Variants in MDGA2 observed in about 807,000 individuals in gnomAD.
MDGA2 encodes the protein MAM domain containing glycosylphosphatidylinositol anchor 2, also known as MAM domain-containing glycosylphosphatidylinositol anchor protein 2.
A neutral mutation model predicts 117.8 loss-of-function variants in MDGA2; 40 were observed. The ratio of observed to expected loss-of-function variants is 0.34; its 90% CI spans 0.26 to 0.44. The LOEUF (loss-of-function observed/expected upper bound fraction) is 0.44. MDGA2 is among the 20% of genes least tolerant of loss of function. MDGA2 has a pLI of 1.00. For synonymous variants in MDGA2, 452 were observed against 439.0 expected, an observed-to-expected ratio of 1.03 and a Z score of -0.37; for missense variants, 1,123 against 1,250.6, an observed-to-expected ratio of 0.90 and a Z score of 1.54.
chr14:47,322,506 C>A (rs1279516926), intron 1 of MDGA2, among the ~76,000 whole-genome samples: 2 of 152,108 alleles, frequency 1.3e-5, no homozygotes, highest in African/African-American at 4.8e-5. Context: ...CTCAAACAAT[C>A]TGACGAGGAG....
chr14:46,914,858 C>T (rs1029078861), intron 10 of MDGA2, among the ~76,000 whole-genome samples: 3 of 151,932 alleles, frequency 2.0e-5, no homozygotes, highest in African/African-American at 7.3e-5. Flanking sequence ...AAATCATGTA[C>T]ATGTATAGGC....
intron 15 of MDGA2, among the ~76,000 whole-genome samples, chr14:46,847,702 A>T (rs1880897286): frequency 6.6e-6 from 1 of 152,062 alleles, no homozygotes; most frequent in Admixed American, 6.6e-5. Context: ...ATTCCACATT[A>T]TGGATGTAAT....
At position 47,133,627 on chromosome 14, in the gene MDGA2, T is replaced by C. The variant is rs900404058; in HGVS notation, c.793-1781A>G. ...CCAGAATTCTCCCTTAAGTTTCAGA[T>C]ACACATAACAAATGTTTGTCAATAT... On this transcript the variant is annotated intron_variant, in intron 4 of 16. Coordinates refer to ENST00000399232, the MANE Select transcript of MDGA2 (RefSeq NM_001113498.3). Among the ~76,000 whole-genome samples the C allele has an allele frequency of 2.0e-5, 3 of 152,010 alleles. 1 individual carries two copies. The highest frequency in any genetic ancestry group is 4.1e-4 in the South Asian group (2 of 4,832).
rs1047484091 is a variant in MDGA2, at chr14:46,977,829, T to TA, written c.1820-20187dup. 3.7e-5 allele frequency among the ~76,000 whole-genome samples: 5 copies of TA among 134,862 alleles called. No individual in the cohort carries two copies. The Admixed American group carries it at 3.8e-4, about 10-fold the overall frequency. 88.5% of individuals were successfully genotyped at this position (134,862 alleles called of 152,430 possible). A position where few individuals can be genotyped will look rare whatever the true frequency, so the allele number is the denominator to read the frequency against. On this transcript the variant is annotated intron_variant, in intron 8 of 16. Transcript: ENST00000399232. ...GGGGAGATAATGTAGGGGGACTCGG[T>TA]AAAAAAAATATCCTTGAAAATCTTG... is the stretch of plus-strand genomic sequence containing the variant.
intron 1 of MDGA2, among the ~76,000 whole-genome samples, chr14:47,599,538 CCCATA>C (rs1175553525): frequency 6.6e-6 from 1 of 152,060 alleles, no homozygotes; most frequent in East Asian, 1.9e-4. Context: ...TGAATTTGAT[CCCATA>C]CCAAACAATA....
intron 2 of MDGA2, among the ~76,000 whole-genome samples, chr14:47,281,091 A>G (rs1888474104): frequency 6.7e-6 from 1 of 148,996 alleles, no homozygotes; most frequent in Non-Finnish European, 1.5e-5. Context: ...ATAAAATATA[A>G]TTAAATATGC....
At chr14:47,036,119 A>T (rs1888839105) in intron 7 of MDGA2, among the ~76,000 whole-genome samples, 1 of 151,620 alleles carries the variant, frequency 6.6e-6, no homozygotes, top group Non-Finnish European at 1.5e-5. Flanking sequence ...AATACAAAAA[A>T]ATTAGCCCAG....
intron 1 of MDGA2, among the ~76,000 whole-genome samples, chr14:47,598,221 G>A (rs1299213789): frequency 6.6e-6 from 1 of 152,112 alleles, no homozygotes; most frequent in Non-Finnish European, 1.5e-5. Flanking sequence ...ATGTATTGTT[G>A]ATGAAAACAT....
chr14:47,266,473 C>T (rs1887968906), intron 2 of MDGA2, among the ~76,000 whole-genome samples: 1 of 152,152 alleles, frequency 6.6e-6, no homozygotes, highest in Admixed American at 6.6e-5. Context: ...TCCATCTTGC[C>T]ACTATTCCCT....
intron 5 of MDGA2, among the ~76,000 whole-genome samples, chr14:47,128,827 T>G (rs1277248513): frequency 1.3e-5 from 2 of 151,930 alleles, no homozygotes; most frequent in South Asian, 2.1e-4. Flanking sequence ...CCCAAGCAGC[T>G]GGGACTACAG....
chr14:47,385,730 T>C (rs1460910988), intron 1 of MDGA2, among the ~76,000 whole-genome samples: 4 of 152,088 alleles, frequency 2.6e-5, no homozygotes, highest in Non-Finnish European at 5.9e-5. Context: ...TTTGCTCTCT[T>C]TGGAGGAAAG....
At chr14:47,551,991 AG>A (rs1895591257) in intron 1 of MDGA2, among the ~76,000 whole-genome samples, 1 of 152,210 alleles carries the variant, frequency 6.6e-6, no homozygotes, top group African/African-American at 2.4e-5. Flanking sequence ...CCAGCAAGAA[AG>A]GATACGTTAT....
chr14:47,275,388 G>A (rs748396398), intron 2 of MDGA2, among the ~76,000 whole-genome samples: 1 of 152,084 alleles, frequency 6.6e-6, no homozygotes, highest in African/African-American at 2.4e-5. Flanking sequence ...GCTAGTTACA[G>A]GTTAAGCTCA....
intron 2 of MDGA2, among the ~76,000 whole-genome samples, chr14:47,262,725 AATATTTGG>A (rs1887837946): frequency 3.3e-5 from 5 of 152,210 alleles, no homozygotes; most frequent in African/African-American, 4.8e-5. Context: ...AAAAGGTCAT[AATATTTGG>A]CCTGACAGGC....
At chr14:47,350,996 C>T (rs567567911) in intron 1 of MDGA2, among the ~76,000 whole-genome samples, 1 of 152,180 alleles carries the variant, frequency 6.6e-6, no homozygotes, top group Non-Finnish European at 1.5e-5. Flanking sequence ...ACTGCAACCT[C>T]GGCTTCCTGG....
chr14:46,966,245 A>G (rs1259667594), intron 8 of MDGA2, among the ~76,000 whole-genome samples: 1 of 152,210 alleles, frequency 6.6e-6, no homozygotes, highest in Non-Finnish European at 1.5e-5. Context: ...CCAGCTAAAA[A>G]GTAGCAGACT....
chr14:46,951,194 A>G (rs1003689335), intron 9 of MDGA2, among the ~76,000 whole-genome samples: 1 of 151,920 alleles, frequency 6.6e-6, no homozygotes, highest in Non-Finnish European at 1.5e-5. Context: ...GTAAAACCCT[A>G]TTTGGCAGGA....
intron 1 of MDGA2, among the ~76,000 whole-genome samples, chr14:47,349,563 ACTTAT>A (rs1335159567): frequency 5.9e-5 from 9 of 152,234 alleles, no homozygotes; most frequent in Non-Finnish European, 1.3e-4. Context: ...AAAATAATAA[ACTTAT>A]CTTTCTTTGG....
chr14:47,497,222 G>A (rs1459142169), intron 1 of MDGA2, among the ~76,000 whole-genome samples: 1 of 152,126 alleles, frequency 6.6e-6, no homozygotes, highest in African/African-American at 2.4e-5. Context: ...AATGTTCATT[G>A]AGAATGAGAT....
Sources: allele counts gnomAD v4.1 joint callset (sites outside exome capture counted in the v4.1 genomes callset), GRCh38; gene constraint gnomAD v4.1.1; transcripts MANE v1.5; gene names NCBI Gene and HGNC (gene_info 2026-07-23, HGNC 2026-07-21).